GPATCH2L: variants seen among roughly 807,000 people sequenced by gnomAD.
The protein encoded by GPATCH2L is G patch domain-containing protein 2-like.
GPATCH2L carries 31 observed loss-of-function variants against 57.4 expected under a neutral mutation model. The observed-to-expected ratio is 0.54, with a 90% CI of 0.41 to 0.73. The LOEUF is 0.73. Among genes scored for constraint, GPATCH2L ranks in the 30% least tolerant of loss-of-function variants. The pLI is 0.00. For missense variants in GPATCH2L, 481 were observed against 599.9 expected (o/e 0.80, Z 2.07); for synonymous variants, 199 against 210.7 (o/e 0.94, Z 0.48).
chr14:76,154,318 C>T lies in GPATCH2L; in HGVS notation c.-10-36C>T, dbSNP rs1594896315. ...CAGGCTTTCTTTTTCTTTTTCTTTT[C>T]TTTCTTTCTTTTTTTCCTAAACTTC... On this transcript the variant is annotated intron_variant, in intron 1 of 9. Coordinates refer to ENST00000261530, the MANE Select transcript of GPATCH2L (RefSeq NM_017926.4). The surrounding 1 kb of genome is among the most constrained non-coding windows in gnomAD (Gnocchi z 4.4). 1.4e-6 allele frequency: 2 copies of T among 1,470,254 alleles called. No individual in the cohort carries two copies. Among genetic ancestry groups the T allele is most frequent in the Non-Finnish European group, 1.8e-6 (2 of 1,087,496 alleles). 91.1% of individuals were successfully genotyped at this position (1,470,254 alleles called of 1,614,324 possible).
downstream of GPATCH2L, among the ~76,000 whole-genome samples, chr14:76,219,064 A>AAGTATGAC (rs1167086431): frequency 6.6e-6 from 1 of 151,912 alleles, no homozygotes; most frequent in African/African-American, 2.4e-5. Flanking sequence ...AGGCCTTTCT[A>AAGTATGAC]AGTATGACAC....
rs112033978 is a variant in GPATCH2L at position 76,158,139 on chromosome 14, T to C, written c.662+3114T>C. On this transcript the variant is annotated intron_variant, in intron 2 of 9. Coordinates refer to ENST00000261530, the MANE Select transcript of GPATCH2L (RefSeq NM_017926.4). The stretch of plus-strand genomic sequence containing the variant: ...AATATAGTTTAGCTTCTTTTTTTTT[T>C]CATAAGTGAATTGGTTGGGTGATGG... Among the ~76,000 whole-genome samples the C allele has an allele frequency of 3.4e-3, 521 of 152,294 alleles. 3 individuals carry two copies. Among genetic ancestry groups the C allele is most frequent in the African/African-American group, 0.012 (481 of 41,554 alleles).
At position 76,203,070 on chromosome 14, in the gene GPATCH2L, T is replaced by G. The variant is rs1191197335; in HGVS notation, c.*1219T>G. On this transcript the variant is annotated 3_prime_UTR_variant, in exon 10 of 10. Transcript: ENST00000261530. ...TGCTCTGGTCACATTGTAGAGGGAC[T>G]CCCACTCATGCATCTGCTTATTTTC... 6.6e-6 allele frequency: 1 copy of G among 152,210 alleles called. No homozygotes were observed. Among genetic ancestry groups the G allele is most frequent in the African/African-American group, 2.4e-5 (1 of 41,448 alleles). The allele number at this position is 152,210 out of a possible 1,614,324, so 9.4% of individuals were successfully genotyped here.
Position 76,234,906 on chromosome 14 carries a change from C to T in GPATCH2L, c.*117+4953C>T, listed in dbSNP as rs151203685. 7.1e-3 allele frequency: 1,088 copies of T among 152,408 alleles called. 4 individuals carry two copies. Among genetic ancestry groups the T allele is most frequent in the Middle Eastern group, 0.027 (8 of 296 alleles). The allele number at this position is 152,408 out of a possible 1,614,324, so 9.4% of individuals were successfully genotyped here. ...ACAGTAGGCCAGGAGTGGTGGCTCA[C>T]GCCTGTAATCCCAGCACTTTGGGAG... On this transcript the variant is annotated intron_variant and NMD_transcript_variant, in intron 2 of 3. Transcript: ENST00000556372.
In GPATCH2L at chr14:76,201,874, G is replaced by A; in HGVS notation, c.*23G>A. On this transcript the variant is annotated 3_prime_UTR_variant, in exon 10 of 10. Transcript: ENST00000261530. The stretch of plus-strand genomic sequence containing the variant: ...TAGAGAGCAGGACTTCACCCTCCAG[G>A]AGCTGACTGGGTGTTGCTGAAGCAA... 6.2e-7 allele frequency: 1 copy of A among 1,603,208 alleles called. No individual in the cohort carries two copies. The highest frequency in any genetic ancestry group is 8.5e-7 in the Non-Finnish European group (1 of 1,174,100).
intron 8 of GPATCH2L, among the ~76,000 whole-genome samples, chr14:76,188,263 C>T (rs915659910): frequency 6.6e-4 from 100 of 152,108 alleles, no homozygotes; most frequent in Non-Finnish European, 7.8e-4. Flanking sequence ...CATATGGTAG[C>T]TCTATTTTTA....
rs150656184 is a variant in GPATCH2L at position 76,201,409 on chromosome 14, A to G, written c.1289-282A>G. On this transcript the variant is annotated intron_variant, in intron 9 of 9. Transcript: ENST00000261530. ...TCATTGTTTAAGCAATACACACATA[A>G]GTACGTAATAAGTGATTTTTACTAC... Among the ~76,000 whole-genome samples, 509 of 152,338 alleles carry G rather than the reference A, an allele frequency of 3.3e-3. 4 individuals carry two copies. The highest frequency in any genetic ancestry group is 0.012 in the African/African-American group (500 of 41,576).
downstream of GPATCH2L, among the ~76,000 whole-genome samples, chr14:76,216,278 T>C (rs769840664): frequency 2.6e-5 from 4 of 152,142 alleles, no homozygotes; most frequent in Non-Finnish European, 5.9e-5. Flanking sequence ...AGTTGTCCCT[T>C]ACATAGAGAG....
At chr14:76,189,601 G>A (rs2039890135) in intron 8 of GPATCH2L, among the ~76,000 whole-genome samples, 1 of 152,002 alleles carries the variant, frequency 6.6e-6, no homozygotes, top group African/African-American at 2.4e-5. Flanking sequence ...CAGTTTTGTG[G>A]TAGTCTTTAG....
chr14:76,226,915 G>A lies in GPATCH2L; in HGVS notation c.66-2893G>A, dbSNP rs376733577. Among the ~76,000 whole-genome samples, 8 of 152,340 alleles carry A rather than the reference G, an allele frequency of 5.3e-5. No homozygotes were observed. The East Asian group carries it at 9.6e-4, about 18-fold the overall frequency. On this transcript the variant is annotated intron_variant and NMD_transcript_variant, in intron 1 of 3. Transcript: ENST00000556372. ...CTTATGATTGTGCATTTTTCTGGAA[G>A]TGTATTGTATTCAATAAAACAAGGC...
chr14:76,169,365 ATAAT>A lies in GPATCH2L; in HGVS notation c.728-2475_728-2472del, dbSNP rs1852813312. Among the ~76,000 whole-genome samples, 6 of 152,328 alleles carry A rather than the reference ATAAT, an allele frequency of 3.9e-5. No individual in the cohort carries two copies. In the South Asian group the frequency reaches 1.2e-3, roughly 32 times the overall value. On this transcript the variant is annotated intron_variant, in intron 3 of 9. Transcript: ENST00000261530. Reference sequence around the variant, plus strand: ...CTGGCATATAGTAAATGTTTAATAAATAATTATTTATAATCCAATTAAGGGGAAA... The same window carrying A: ...CTGGCATATAGTAAATGTTTAATAAATATTTATAATCCAATTAAGGGGAAA...
intron 8 of GPATCH2L, among the ~76,000 whole-genome samples, chr14:76,187,065 A>G (rs1004816015): frequency 2.0e-5 from 3 of 150,642 alleles, no homozygotes; most frequent in African/African-American, 2.4e-5. Context: ...TCCTAGTGCC[A>G]TAGGCCTAGA....
At chr14:76,178,563 CT>C (rs548469964) in intron 7 of GPATCH2L, 231 of 193,794 alleles carry the variant, frequency 1.2e-3, no homozygotes, top group African/African-American at 5.3e-3. Context: ...GTAGCTTGTG[CT>C]CCTGCAACTA....
chr14:76,160,953 T>C (rs1209430995), intron 2 of GPATCH2L, among the ~76,000 whole-genome samples: 5 of 152,232 alleles, frequency 3.3e-5, no homozygotes, highest in African/African-American at 1.2e-4. Context: ...GTATCGAACC[T>C]GTCAACCTGC....
chr14:76,230,839 C>A (rs1402123518), intron 2 of GPATCH2L, among the ~76,000 whole-genome samples: 1 of 152,202 alleles, frequency 6.6e-6, no homozygotes, highest in East Asian at 1.9e-4. Flanking sequence ...AGCTTTAATT[C>A]CCTCTTACCA....
At chr14:76,230,158 A>T (rs1226698238) in intron 2 of GPATCH2L, among the ~76,000 whole-genome samples, 1 of 152,182 alleles carries the variant, frequency 6.6e-6, no homozygotes, top group Non-Finnish European at 1.5e-5. Context: ...GGGACAGCCT[A>T]GCCTTGGGCC....
intron 2 of GPATCH2L, among the ~76,000 whole-genome samples, chr14:76,231,985 C>G (rs72729622): frequency 0.011 from 1,469 of 132,710 alleles, 2 homozygotes; most frequent in South Asian, 0.025. Context: ...CTCACTGCAG[C>G]CTCACTGCAG....
intron 1 of GPATCH2L, among the ~76,000 whole-genome samples, chr14:76,223,603 A>G (rs922526661): frequency 3.2e-4 from 49 of 152,210 alleles, no homozygotes; most frequent in Admixed American, 9.2e-4. Context: ...AAAATTTAAA[A>G]TTTTTTGCTT....
At chr14:76,158,095 C>G (rs1394823395) in intron 2 of GPATCH2L, among the ~76,000 whole-genome samples, 2 of 151,482 alleles carry the variant, frequency 1.3e-5, no homozygotes, top group Non-Finnish European at 3.0e-5. Flanking sequence ...ACTAACACAT[C>G]ATTTGTTTGT....
Sources: gnomAD v4.1 joint callset for allele counts (sites outside exome capture counted in the v4.1 genomes callset) on GRCh38, gnomAD v4.1.1 for gene constraint, Gnocchi (gnomAD v3.1) non-coding constraint, MANE v1.5 for transcripts, NCBI Gene and HGNC (gene_info 2026-07-23, HGNC 2026-07-21) for gene names.